Variants in CCZ1 observed in about 807,000 individuals in gnomAD.
The protein encoded by CCZ1 is CCZ1 vacuolar protein trafficking and biogenesis associated, also known as vacuolar fusion protein CCZ1 homolog.
In CCZ1, 19 loss-of-function variants were observed where a neutral mutation model predicts 57.8. The observed-to-expected ratio is 0.33, with a 90% CI of 0.23 to 0.48. The LOEUF is 0.48. Among genes scored for constraint, CCZ1 ranks in the 20% least tolerant of loss-of-function variants. The pLI, the probability that CCZ1 is intolerant of heterozygous loss-of-function variation, is 0.99. For missense variants in CCZ1, 200 were observed against 492.0 expected (o/e 0.41, Z 5.61); for synonymous variants, 81 against 167.0 (o/e 0.49, Z 3.97).
intron 7 of CCZ1, among the ~76,000 whole-genome samples, chr7:5,906,139 G>A (rs1781814927): frequency 6.8e-6 from 1 of 147,326 alleles, no homozygotes; most frequent in African/African-American, 2.5e-5. Flanking sequence ...CTAGGTTTGT[G>A]TCCTGCAGTA....
chr7:5,912,548 C>T (rs1479828956), intron 9 of CCZ1, among the ~76,000 whole-genome samples: 1 of 146,910 alleles, frequency 6.8e-6, no homozygotes, highest in Non-Finnish European at 1.5e-5. Context: ...TGCAGGTGCC[C>T]ACCACCACGA....
chr7:5,910,642 AGAG>A (rs1318750515), intron 8 of CCZ1, among the ~76,000 whole-genome samples: 2 of 145,696 alleles, frequency 1.4e-5, no homozygotes, highest in Admixed American at 6.9e-5. Flanking sequence ...CATGTTTTTA[AGAG>A]GAGTGAGTCA....
chr7:5,899,503 A>G (rs1781634263), intron 1 of CCZ1, among the ~76,000 whole-genome samples: 1 of 130,682 alleles, frequency 7.7e-6, no homozygotes, highest in Non-Finnish European at 1.6e-5. Flanking sequence ...CACGCCTGTA[A>G]TCCCAGCACT....
At chr7:5,918,699 C>T in intron 10 of CCZ1, 168 bp from the exon 11 acceptor site, 1 of 365,718 alleles carries the variant, frequency 2.7e-6, no homozygotes, top group Middle Eastern at 8.5e-4. Flanking sequence ...GTCAACAGCA[C>T]TCCCCTCGCA....
intron 14 of CCZ1, 188 bp from the exon 15 acceptor site, chr7:5,925,444 G>C: frequency 1.8e-6 from 1 of 545,058 alleles, no homozygotes; most frequent in Non-Finnish European, 3.3e-6. Flanking sequence ...TCCAGCCTGG[G>C]TGACAGAGCA....
At chr7:5,910,619 C>G (rs1781948419) in intron 8 of CCZ1, among the ~76,000 whole-genome samples, 1 of 144,514 alleles carries the variant, frequency 6.9e-6, no homozygotes, top group Admixed American at 6.9e-5. Context: ...AGCCACCGCC[C>G]CCAGTCCACA....
At chr7:5,904,039 A>C (rs1358507969) in intron 6 of CCZ1, among the ~76,000 whole-genome samples, 2 of 137,974 alleles carry the variant, frequency 1.4e-5, no homozygotes, top group Non-Finnish European at 3.0e-5. Flanking sequence ...TAATGGATAG[A>C]TCCCTCATTA....
chr7:5,900,220 C>T (rs1037471631), intron 1 of CCZ1, 64 bp from the exon 2 acceptor site: 103 of 1,385,720 alleles, frequency 7.4e-5, no homozygotes, highest in Admixed American at 1.4e-4. Flanking sequence ...TTGAACTTAG[C>T]GTTTTCAATA....
At chr7:5,903,789 C>G (rs1156811416) in intron 6 of CCZ1, among the ~76,000 whole-genome samples, 1 of 147,128 alleles carries the variant, frequency 6.8e-6, no homozygotes, top group Non-Finnish European at 1.5e-5. Context: ...GTCATGAGTT[C>G]GAGACCAGCC....
At chr7:5,902,521 C>T (rs541672117) in intron 5 of CCZ1, 140 bp from the exon 6 acceptor site, 5 of 1,349,920 alleles carry the variant, frequency 3.7e-6, no homozygotes, top group Non-Finnish European at 4.8e-6. Flanking sequence ...CAAGTTTTCT[C>T]ATGTAAATAT....
In CCZ1 at chr7:5,905,121, T is replaced by C. The variant is rs1342671315; in HGVS notation, c.550T>C (p.Cys184Arg). 1.9e-6 allele frequency: 3 copies of C among 1,597,160 alleles called. No homozygotes were observed. Among genetic ancestry groups the C allele is most frequent in the Non-Finnish European group, 2.5e-6 (3 of 1,177,738 alleles). ...TTTGCAAACGCTACATTTGCAGTCATGTGACCTACTTGACATTTTTGGTGG... is the reference window on the plus strand; with the variant it reads ...TTTGCAAACGCTACATTTGCAGTCACGTGACCTACTTGACATTTTTGGTGG... ...RYLQTLHLQS[C>R]DLLDIFGGIS... The change falls in exon 7 of 15, where the codon TGT becomes CGT. Residue 184 changes from cysteine to arginine, a missense_variant. Around this residue, in one of 5 missense-constraint regions of CCZ1, gnomAD observed 128 missense variants for 178.4 expected, o/e 0.72. Transcript: ENST00000325974.
At chr7:5,906,381 G>A (rs1583183824) in intron 7 of CCZ1, among the ~76,000 whole-genome samples, 1 of 140,624 alleles carries the variant, frequency 7.1e-6, no homozygotes, top group Non-Finnish European at 1.5e-5. Flanking sequence ...GGAGTACAGT[G>A]GCGCGATCTT....
At chr7:5,912,648 G>A (rs1406259811) in intron 9 of CCZ1, among the ~76,000 whole-genome samples, 195 bp from the exon 10 acceptor site, 2 of 149,650 alleles carry the variant, frequency 1.3e-5, no homozygotes, top group African/African-American at 5.0e-5. Flanking sequence ...GATCCACCCA[G>A]CTCAGCCTCC....
chr7:5,906,165 C>A (rs1463239565), intron 7 of CCZ1, among the ~76,000 whole-genome samples: 9 of 147,808 alleles, frequency 6.1e-5, no homozygotes, highest in African/African-American at 2.3e-4. Flanking sequence ...AACGTGGGCA[C>A]AAGACTGCCC....
At chr7:5,910,493 A>AT (rs1199150223) in intron 8 of CCZ1, among the ~76,000 whole-genome samples, 3 of 146,710 alleles carry the variant, frequency 2.0e-5, no homozygotes, top group South Asian at 2.3e-4. Flanking sequence ...CGCCCAGCTA[A>AT]TTTTTTTGTA....
intron 9 of CCZ1, among the ~76,000 whole-genome samples, 158 bp from the exon 10 acceptor site, chr7:5,912,685 C>T (rs1252217378): frequency 1.3e-5 from 2 of 151,204 alleles, no homozygotes; most frequent in African/African-American, 2.5e-5. Flanking sequence ...CAGGCATGAG[C>T]CACCACGCCC....
chr7:5,916,479 T>G (rs1779146914), intron 10 of CCZ1, among the ~76,000 whole-genome samples: 1 of 119,860 alleles, frequency 8.3e-6, no homozygotes, highest in Admixed American at 8.3e-5. Flanking sequence ...GTTGGTTTGG[T>G]TTTTTGGGTT....
chr7:5,904,681 A>C (rs1293439976), intron 6 of CCZ1, among the ~76,000 whole-genome samples: 2 of 147,238 alleles, frequency 1.4e-5, no homozygotes, highest in African/African-American at 5.1e-5. Flanking sequence ...AATGGAAAAA[A>C]ATAGCTGGGC....
At chr7:5,910,301 G>A in intron 8 of CCZ1, 185 bp downstream of exon 8, 1 of 508,694 alleles carries the variant, frequency 2.0e-6, no homozygotes, top group Non-Finnish European at 3.4e-6. Context: ...TCCAGTATGT[G>A]ACATTCAGAT....
Sources: allele counts gnomAD v4.1 joint callset (sites outside exome capture counted in the v4.1 genomes callset), GRCh38; gene constraint gnomAD v4.1.1; regional missense constraint gnomAD v4.1.1; transcripts MANE v1.5; gene names NCBI Gene and HGNC (gene_info 2026-07-23, HGNC 2026-07-21).